Variants in PTPRD observed in about 807,000 individuals in gnomAD.
PTPRD encodes protein tyrosine phosphatase receptor type D.
PTPRD carries 34 observed loss-of-function variants against 214.5 expected under a neutral mutation model. The observed-to-expected ratio is 0.16, with a 90% CI of 0.12 to 0.21. PTPRD has a LOEUF of 0.21. Among genes scored for constraint, PTPRD ranks in the 10% least tolerant of loss-of-function variants. The pLI is 1.00. For synonymous variants in PTPRD, 1,128 were observed against 845.7 expected (o/e 1.33, Z -5.79); for missense variants, 2,545 against 2,398.7 (o/e 1.06, Z -1.27).
intron 8 of PTPRD, among the ~76,000 whole-genome samples, chr9:9,551,138 A>AAC (rs995892368): frequency 6.6e-6 from 1 of 151,936 alleles, no homozygotes; most frequent in African/African-American, 2.4e-5. Context: ...GTTCACCCTA[A>AAC]ACCTGCATAT....
intron 2 of PTPRD, among the ~76,000 whole-genome samples, chr9:10,406,047 A>T (rs913699974): frequency 2.0e-5 from 3 of 151,240 alleles, no homozygotes; most frequent in African/African-American, 7.3e-5. Context: ...TCAGATCAAT[A>T]TTTCTTGGAA....
intron 11 of PTPRD, among the ~76,000 whole-genome samples, chr9:8,833,296 T>C (rs1476514331): frequency 1.3e-5 from 2 of 152,144 alleles, no homozygotes; most frequent in Non-Finnish European, 2.9e-5. Flanking sequence ...CATGTGACTT[T>C]TGAAACATCT....
chr9:9,398,362 C>T (rs545283647), intron 8 of PTPRD, among the ~76,000 whole-genome samples: 7 of 152,076 alleles, frequency 4.6e-5, no homozygotes, highest in South Asian at 2.1e-4. Flanking sequence ...TAACCCTGTT[C>T]ATTGTTCCCT....
At chr9:8,629,870 C>G (rs914566629) in intron 14 of PTPRD, among the ~76,000 whole-genome samples, 2 of 151,742 alleles carry the variant, frequency 1.3e-5, no homozygotes, top group African/African-American at 4.8e-5. Context: ...CACATTCAGC[C>G]TGAGCTTGTG....
intron 3 of PTPRD, among the ~76,000 whole-genome samples, chr9:10,125,593 T>C (rs2098811987): frequency 6.6e-6 from 1 of 150,680 alleles, no homozygotes; most frequent in South Asian, 2.1e-4. Flanking sequence ...TAGCTGGGAT[T>C]ACAGGCGTGC....
rs536261696 is a variant in PTPRD, at chr9:8,783,146, T to C, written c.-103-49200A>G. Among the ~76,000 whole-genome samples the C allele has an allele frequency of 2.6e-5, 4 of 152,194 alleles. No homozygotes were observed. In the South Asian group the frequency reaches 8.3e-4, roughly 32 times the overall value. ...TAAACTTGAAAATATCATATATGAA[T>C]CATAACGAAGAACGGAAATTTTCAT... On this transcript the variant is annotated intron_variant, in intron 11 of 45. Transcript: ENST00000381196.
At chr9:9,460,227 C>G (rs930798650) in intron 8 of PTPRD, among the ~76,000 whole-genome samples, 2 of 151,992 alleles carry the variant, frequency 1.3e-5, no homozygotes, top group Admixed American at 6.6e-5. Context: ...AAGACCTGAA[C>G]CATTAAAAAT....
At chr9:8,433,446 A>G in intron 35 of PTPRD, among the ~76,000 whole-genome samples, 1 of 152,220 alleles carries the variant, frequency 6.6e-6, no homozygotes, top group East Asian at 1.9e-4. Context: ...AGGTCCTTCA[A>G]GAGTTATCCA....
At chr9:9,440,878 G>A (rs2144358620) in intron 8 of PTPRD, among the ~76,000 whole-genome samples, 1 of 152,296 alleles carries the variant, frequency 6.6e-6, no homozygotes, top group African/African-American at 2.4e-5. Flanking sequence ...AGTTTAGAAT[G>A]CGGAATATTT....
chr9:9,299,691 A>G (rs1481112177), intron 9 of PTPRD, among the ~76,000 whole-genome samples: 2 of 151,722 alleles, frequency 1.3e-5, no homozygotes, highest in African/African-American at 4.8e-5. Context: ...TTTTGATTAA[A>G]GGTGAATTTC....
intron 12 of PTPRD, among the ~76,000 whole-genome samples, chr9:8,687,315 A>G (rs184424061): frequency 5.6e-4 from 86 of 152,364 alleles, no homozygotes; most frequent in African/African-American, 2.0e-3. Flanking sequence ...GGCTTCTCTC[A>G]AAACTCTGCC....
At chr9:8,944,703 C>T (rs1344280882) in intron 11 of PTPRD, among the ~76,000 whole-genome samples, 1 of 151,902 alleles carries the variant, frequency 6.6e-6, no homozygotes, top group Non-Finnish European at 1.5e-5. Flanking sequence ...AAAGTTAAAA[C>T]AATTAAATTC....
chr9:10,379,838 G>C (rs970288560), intron 2 of PTPRD, among the ~76,000 whole-genome samples: 6 of 151,926 alleles, frequency 3.9e-5, no homozygotes, highest in Non-Finnish European at 8.8e-5. Flanking sequence ...AAATATCTGA[G>C]TGTTGTTATA....
At chr9:10,177,178 G>T (rs1438605556) in intron 3 of PTPRD, among the ~76,000 whole-genome samples, 2 of 151,920 alleles carry the variant, frequency 1.3e-5, no homozygotes, top group Non-Finnish European at 2.9e-5. Flanking sequence ...TCATCGTGGA[G>T]TGCTTCCTGC....
chr9:8,874,197 G>A (rs1281218407), intron 11 of PTPRD, among the ~76,000 whole-genome samples: 1 of 152,108 alleles, frequency 6.6e-6, no homozygotes, highest in East Asian at 1.9e-4. Flanking sequence ...GAAACTGATG[G>A]CCCATGGTTC....
chr9:9,658,952 A>T (rs926533046), intron 7 of PTPRD, among the ~76,000 whole-genome samples: 1 of 152,120 alleles, frequency 6.6e-6, no homozygotes, highest in African/African-American at 2.4e-5. Flanking sequence ...AAGCAATCAC[A>T]TTTCAAAGAA....
intron 11 of PTPRD, among the ~76,000 whole-genome samples, chr9:8,817,068 C>G (rs1223523483): frequency 1.3e-5 from 2 of 152,122 alleles, no homozygotes; most frequent in Admixed American, 1.3e-4. Flanking sequence ...AATATTTTTC[C>G]TTCGGTATAG....
intron 12 of PTPRD, among the ~76,000 whole-genome samples, chr9:8,698,915 G>A (rs2098000257): frequency 6.7e-6 from 1 of 149,968 alleles, no homozygotes; most frequent in South Asian, 2.1e-4. Context: ...CTCAAAACTG[G>A]CATCTACACC....
intron 11 of PTPRD, among the ~76,000 whole-genome samples, chr9:9,000,874 G>A (rs1268191350): frequency 6.6e-6 from 1 of 151,910 alleles, no homozygotes; most frequent in African/African-American, 2.4e-5. Context: ...ATAACCAGGT[G>A]GATTTTGGCC....
Sources: allele counts gnomAD v4.1 joint callset (sites outside exome capture counted in the v4.1 genomes callset), GRCh38; gene constraint gnomAD v4.1.1; transcripts MANE v1.5; gene names NCBI Gene and HGNC (gene_info 2026-07-23, HGNC 2026-07-21).